The following TFEB variants were observed in gnomAD, a reference collection of about 807,000 sequenced individuals.
TFEB encodes the protein T-cell transcription factor EB.
TFEB carries 12 observed loss-of-function variants against 48.0 expected under a neutral mutation model. The ratio of observed to expected loss-of-function variants is 0.25; its 90% CI spans 0.16 to 0.40. TFEB has a LOEUF of 0.40. TFEB is among the 10% of genes least tolerant of loss of function. The probability of loss-of-function intolerance (pLI) is 1.00; values close to 1 mark genes in which losing one functional copy is unlikely to be tolerated. For synonymous variants in TFEB, 244 were observed against 261.4 expected (o/e 0.93, Z 0.64); for missense variants, 509 against 640.3 (o/e 0.79, Z 2.21).
intron 1 of TFEB, among the ~76,000 whole-genome samples, chr6:41,704,681 G>A (rs1770112540): frequency 6.6e-6 from 1 of 152,222 alleles, no homozygotes; most frequent in South Asian, 2.1e-4. Flanking sequence ...CACTTTACTT[G>A]TTGCCTTCTG....
At chr6:41,685,830 G>T (rs778208937) in intron 8 of TFEB, among the ~76,000 whole-genome samples, 1 of 152,264 alleles carries the variant, frequency 6.6e-6, no homozygotes, top group Non-Finnish European at 1.5e-5. Flanking sequence ...AGCTCTAGAT[G>T]TGCCATCAGA....
chr6:41,701,088 G>T (rs1422275086), intron 1 of TFEB, among the ~76,000 whole-genome samples: 1 of 152,246 alleles, frequency 6.6e-6, no homozygotes, highest in Admixed American at 6.5e-5. Context: ...CCATGTGGAC[G>T]CTCTGTCTCT....
chr6:41,686,508 C>CTTTTTTTTTTTTT (rs34883692), intron 7 of TFEB: 1 of 147,522 alleles, frequency 6.8e-6, no homozygotes. Flanking sequence ...GCCTACCTTT[C>CTTTTTTTTTTTTT]TTTTTTTTTT....
At position 41,714,090 on chromosome 6, in the gene TFEB, T is replaced by TGTGTGC. The variant is rs1253869819; in HGVS notation, c.-23+21254_-23+21259dup. Among the ~76,000 whole-genome samples the TGTGTGC allele has an allele frequency of 7.9e-5, 12 of 151,406 alleles. No homozygotes were observed. In the East Asian group the frequency reaches 1.7e-3, roughly 22 times the overall value. ...GCCAAGACCACTGCACTGAGTCCTG[T>TGTGTGC]GTGTGCGTGTGTGTGTGCACGTGTG... On this transcript the variant is annotated intron_variant, in intron 1 of 8. Transcript: ENST00000373033.
At chr6:41,703,305 G>A (rs1162533008) in intron 1 of TFEB, among the ~76,000 whole-genome samples, 6 of 152,166 alleles carry the variant, frequency 3.9e-5, no homozygotes, top group Non-Finnish European at 7.4e-5. Flanking sequence ...GCAGGCCCAG[G>A]ACCCCCTGCA....
chr6:41,714,048 G>A (rs1455702215), intron 1 of TFEB, among the ~76,000 whole-genome samples: 3 of 152,220 alleles, frequency 2.0e-5, no homozygotes, highest in Admixed American at 1.3e-4. Flanking sequence ...CTGGTCAGAG[G>A]GCAAGGACCT....
intron 1 of TFEB, among the ~76,000 whole-genome samples, chr6:41,705,336 G>A (rs1770154826): frequency 6.6e-6 from 1 of 152,164 alleles, no homozygotes; most frequent in Non-Finnish European, 1.5e-5. Flanking sequence ...AGGTTGGCAA[G>A]GACCCAAATT....
intron 3 of TFEB, 118 bp from the exon 4 acceptor site, chr6:41,689,929 A>C: frequency 1.4e-6 from 1 of 698,098 alleles, no homozygotes; most frequent in Non-Finnish European, 2.5e-6. Flanking sequence ...CAACCTACTT[A>C]TCTGGGGAAA....
intron 1 of TFEB, among the ~76,000 whole-genome samples, chr6:41,701,944 C>CAAA (rs58971184): frequency 0.12 from 12,639 of 109,480 alleles, 2,104 homozygotes; most frequent in African/African-American, 0.38. Context: ...GGCTCCGTCT[C>CAAA]AAAAAAAAAA....
At chr6:41,731,147 C>A (rs1418427977) in intron 1 of TFEB, among the ~76,000 whole-genome samples, 1 of 152,186 alleles carries the variant, frequency 6.6e-6, no homozygotes, top group Non-Finnish European at 1.5e-5. Flanking sequence ...GCATCAATAT[C>A]GGCATACTCA....
intron 1 of TFEB, among the ~76,000 whole-genome samples, chr6:41,694,335 C>T (rs1185908174): frequency 6.6e-6 from 1 of 152,162 alleles, no homozygotes. Context: ...AGTGAGGTGT[C>T]TGTGCATCAG....
At chr6:41,689,895 A>C in intron 3 of TFEB, 84 bp from the exon 4 acceptor site, 1 of 1,110,012 alleles carries the variant, frequency 9.0e-7, no homozygotes, top group Non-Finnish European at 1.4e-6. Flanking sequence ...ACTGACCTGG[A>C]GGGACCTTGG....
chr6:41,692,685 A>G (rs776932651), intron 1 of TFEB, among the ~76,000 whole-genome samples: 1 of 152,146 alleles, frequency 6.6e-6, no homozygotes, highest in East Asian at 1.9e-4. Context: ...CCATCTCTCC[A>G]TGCACAAAAT....
Position 41,727,562 on chromosome 6 carries a change from C to T in TFEB, c.-23+7788G>A, listed in dbSNP as rs780404930. Among the ~76,000 whole-genome samples, 12 of 152,128 alleles carry T rather than the reference C, an allele frequency of 7.9e-5. No homozygotes were observed. The South Asian group carries it at 1.5e-3, about 18-fold the overall frequency. On this transcript the variant is annotated intron_variant, in intron 1 of 8. Transcript: ENST00000373033. ...TAAAAATTAGCCAGGTGTAGTGGCACGTGCCTCTGGTCCCAGCTACTTGGG... is the reference window on the plus strand; with the variant it reads ...TAAAAATTAGCCAGGTGTAGTGGCATGTGCCTCTGGTCCCAGCTACTTGGG...
At chr6:41,704,900 C>T (rs759519588) in intron 1 of TFEB, among the ~76,000 whole-genome samples, 1 of 152,238 alleles carries the variant, frequency 6.6e-6, no homozygotes, top group African/African-American at 2.4e-5. Context: ...GGCTCTGGCT[C>T]ACTGGGTGCT....
At chr6:41,698,593 T>C (rs1769734126) in intron 1 of TFEB, among the ~76,000 whole-genome samples, 1 of 152,226 alleles carries the variant, frequency 6.6e-6, no homozygotes, top group Non-Finnish European at 1.5e-5. Flanking sequence ...GTTTAAGCCA[T>C]TGATGACGCT....
intron 1 of TFEB, among the ~76,000 whole-genome samples, chr6:41,719,626 T>C (rs1473386357): frequency 1.3e-5 from 2 of 152,220 alleles, no homozygotes; most frequent in African/African-American, 2.4e-5. Context: ...ATGCAGGTCA[T>C]GTGGCAGGTC....
rs1337031488 is a variant in TFEB at position 41,720,743 on chromosome 6, G to C, written c.-23+14607C>G. ...CAGATCCTGCAAGCTGGGGGAGGGGGCATCAGTAAGGCCGAGTCCTTCTCT... is the reference window on the plus strand; with the variant it reads ...CAGATCCTGCAAGCTGGGGGAGGGGCCATCAGTAAGGCCGAGTCCTTCTCT... On this transcript the variant is annotated intron_variant, in intron 1 of 8. Coordinates refer to ENST00000373033, the MANE Select transcript of TFEB (RefSeq NM_001271944.2). The surrounding 1 kb of genome is among the most constrained non-coding windows in gnomAD (Gnocchi z 4.1). 1 of 152,322 alleles carries C rather than the reference G, an allele frequency of 6.6e-6. No homozygotes were observed. The highest frequency in any genetic ancestry group is 2.1e-4 in the South Asian group (1 of 4,826). 9.4% of individuals were successfully genotyped at this position (152,322 alleles called of 1,614,324 possible). A position where few individuals can be genotyped will look rare whatever the true frequency, so the allele number is the denominator to read the frequency against.
chr6:41,723,429 A>G lies in TFEB; in HGVS notation c.-23+11921T>C. 8.4e-7 allele frequency: 1 copy of G among 1,186,344 alleles called. No individual in the cohort carries two copies. The highest frequency in any genetic ancestry group is 1.1e-6 in the Non-Finnish European group (1 of 895,702). The allele number at this position is 1,186,344 out of a possible 1,614,324, so 73.5% of individuals were successfully genotyped here. ...CACACATGCTCACACACATGCACAC[A>G]CTCACACACATGCACGCGTGTGCTC... On this transcript the variant is annotated intron_variant, in intron 1 of 8. Transcript: ENST00000373033. The surrounding 1 kb of genome is among the most constrained non-coding windows in gnomAD (Gnocchi z 6.0).
Sources: gnomAD v4.1 joint callset for allele counts (sites outside exome capture counted in the v4.1 genomes callset) on GRCh38, gnomAD v4.1.1 for gene constraint, Gnocchi (gnomAD v3.1) non-coding constraint, MANE v1.5 for transcripts, NCBI Gene and HGNC (gene_info 2026-07-23, HGNC 2026-07-21) for gene names.